The following PTPRD variants were observed in gnomAD, a reference collection of about 807,000 sequenced individuals.
PTPRD encodes the protein receptor-type tyrosine-protein phosphatase delta.
A neutral mutation model predicts 214.5 loss-of-function variants in PTPRD; 34 were observed. That is an observed-to-expected ratio of 0.16 (90% CI 0.12 to 0.21). PTPRD has a LOEUF of 0.21. PTPRD is among the 10% of genes least tolerant of loss of function. PTPRD has a pLI of 1.00. For missense variants in PTPRD, 2,545 were observed against 2,398.7 expected (o/e 1.06, Z -1.27); for synonymous variants, 1,128 against 845.7 (o/e 1.33, Z -5.79).
intron 4 of PTPRD, among the ~76,000 whole-genome samples, chr9:9,943,347 C>T (rs897365130): frequency 6.6e-6 from 1 of 152,104 alleles, no homozygotes; most frequent in Admixed American, 6.6e-5. Context: ...ATTAAAAGGG[C>T]TATCATCACT....
intron 30 of PTPRD, among the ~76,000 whole-genome samples, chr9:8,473,744 G>C (rs2096706977): frequency 6.6e-6 from 1 of 151,994 alleles, no homozygotes; most frequent in Non-Finnish European, 1.5e-5. Flanking sequence ...TTTACTTGTG[G>C]CTGGGATAAG....
At chr9:9,994,932 A>G (rs1028857896) in intron 4 of PTPRD, among the ~76,000 whole-genome samples, 2 of 152,082 alleles carry the variant, frequency 1.3e-5, no homozygotes, top group African/African-American at 2.4e-5. Context: ...ATAAAACTAT[A>G]TTCACTGTAT....
intron 3 of PTPRD, among the ~76,000 whole-genome samples, chr9:10,251,156 T>C (rs1399409463): frequency 6.6e-6 from 1 of 152,154 alleles, no homozygotes; most frequent in Non-Finnish European, 1.5e-5. Context: ...AATAACATGT[T>C]CAATTGATTA....
chr9:9,478,560 C>A (rs1213770426), intron 8 of PTPRD, among the ~76,000 whole-genome samples: 1 of 152,132 alleles, frequency 6.6e-6, no homozygotes, highest in Non-Finnish European at 1.5e-5. Flanking sequence ...AGTAAGTAAA[C>A]AGATCTTGCC....
At chr9:9,952,424 G>T (rs930404301) in intron 4 of PTPRD, among the ~76,000 whole-genome samples, 2 of 152,160 alleles carry the variant, frequency 1.3e-5, no homozygotes, top group African/African-American at 4.8e-5. Context: ...CCTGGGGCAA[G>T]ATGTAGGTAT....
chr9:9,297,505 T>C (rs186029260), intron 9 of PTPRD, among the ~76,000 whole-genome samples: 1 of 151,768 alleles, frequency 6.6e-6, no homozygotes, highest in East Asian at 1.9e-4. Flanking sequence ...TTTATACTTA[T>C]TAAATGTTAT....
At chr9:10,434,705 C>T (rs2098705707) in intron 2 of PTPRD, among the ~76,000 whole-genome samples, 1 of 151,900 alleles carries the variant, frequency 6.6e-6, no homozygotes, top group South Asian at 2.1e-4. Context: ...AACACTTGCC[C>T]ACACTGTTGC....
chr9:10,609,236 C>T lies in PTPRD; in HGVS notation c.-600+3162G>A, dbSNP rs551594674. On this transcript the variant is annotated intron_variant, in intron 2 of 45. Transcript: ENST00000381196. ...TAGATAGTAGCTAGATCAATAGAGACACATGGATAGATATATTTAATTCTG... is the reference window on the plus strand; with the variant it reads ...TAGATAGTAGCTAGATCAATAGAGATACATGGATAGATATATTTAATTCTG... Among the ~76,000 whole-genome samples the T allele has an allele frequency of 3.3e-5, 5 of 152,046 alleles. No individual in the cohort carries two copies. In the South Asian group the frequency reaches 1.0e-3, roughly 32 times the overall value.
chr9:8,579,733 A>G (rs939415339), intron 14 of PTPRD, among the ~76,000 whole-genome samples: 28 of 152,216 alleles, frequency 1.8e-4, no homozygotes, highest in African/African-American at 6.3e-4. Context: ...AGTGGATGGG[A>G]AAGATTTATC....
At chr9:8,800,437 G>A (rs2096548497) in intron 11 of PTPRD, among the ~76,000 whole-genome samples, 1 of 152,070 alleles carries the variant, frequency 6.6e-6, no homozygotes, top group African/African-American at 2.4e-5. Flanking sequence ...AGGTCATAAA[G>A]ACCTTGCTCA....
intron 8 of PTPRD, among the ~76,000 whole-genome samples, chr9:9,498,173 G>A (rs1369530922): frequency 6.6e-6 from 1 of 152,056 alleles, no homozygotes; most frequent in Admixed American, 6.6e-5. Context: ...TGTTTTAGCG[G>A]CACAGTTGTA....
intron 11 of PTPRD, among the ~76,000 whole-genome samples, chr9:8,744,205 G>A (rs2092496273): frequency 1.3e-5 from 2 of 152,174 alleles, no homozygotes; most frequent in Non-Finnish European, 2.9e-5. Flanking sequence ...TGACAAGAAT[G>A]TAAACTAGTA....
At chr9:9,265,158 T>C (rs1254313144) in intron 9 of PTPRD, among the ~76,000 whole-genome samples, 1 of 151,748 alleles carries the variant, frequency 6.6e-6, no homozygotes, top group Admixed American at 6.6e-5. Flanking sequence ...AATAGTGGCA[T>C]GTAAATCATT....
chr9:8,827,660 T>C (rs948591809), intron 11 of PTPRD, among the ~76,000 whole-genome samples: 5 of 152,154 alleles, frequency 3.3e-5, no homozygotes, highest in Non-Finnish European at 7.4e-5. Flanking sequence ...AATTCCTTTT[T>C]TTCCCCTCAT....
intron 5 of PTPRD, among the ~76,000 whole-genome samples, chr9:9,769,172 T>A (rs935409077): frequency 1.3e-5 from 2 of 152,076 alleles, no homozygotes; most frequent in Non-Finnish European, 2.9e-5. Flanking sequence ...ATGAGCTTAA[T>A]AAGAAAAGTT....
chr9:8,942,708 T>G (rs1054926005), intron 11 of PTPRD, among the ~76,000 whole-genome samples: 1 of 152,176 alleles, frequency 6.6e-6, no homozygotes, highest in African/African-American at 2.4e-5. Flanking sequence ...GCAATGGGCT[T>G]GGATGACTCT....
At chr9:9,069,360 A>C (rs371614560) in intron 10 of PTPRD, among the ~76,000 whole-genome samples, 41 of 152,230 alleles carry the variant, frequency 2.7e-4, no homozygotes, top group African/African-American at 9.4e-4. Flanking sequence ...CACACAAAAA[A>C]CTGGCTTTCA....
At chr9:9,674,494 T>C (rs1345883211) in intron 7 of PTPRD, among the ~76,000 whole-genome samples, 1 of 151,838 alleles carries the variant, frequency 6.6e-6, no homozygotes, top group African/African-American at 2.4e-5. Flanking sequence ...TCCCAACATA[T>C]GTTAATAAAC....
In PTPRD at chr9:9,656,346, AC is replaced by A. The variant is rs1034038006; in HGVS notation, c.-287+78186del. On this transcript the variant is annotated intron_variant, in intron 7 of 45. Transcript: ENST00000381196. ...GGGAGCTTTATTGACAATTGTCAAA[AC>A]TTGGAAACTCCAAGATGTCCTTCAG... Among the ~76,000 whole-genome samples the A allele has an allele frequency of 3.3e-5, 5 of 152,216 alleles. No homozygotes were observed. The South Asian group carries it at 6.2e-4, about 19-fold the overall frequency.
Sources: gnomAD v4.1 joint callset for allele counts (sites outside exome capture counted in the v4.1 genomes callset) on GRCh38, gnomAD v4.1.1 for gene constraint, MANE v1.5 for transcripts, NCBI Gene and HGNC (gene_info 2026-07-23, HGNC 2026-07-21) for gene names.